Variants in NRP1 observed in about 807,000 individuals in gnomAD.
NRP1 encodes neuropilin 1.
A neutral mutation model predicts 106.7 loss-of-function variants in NRP1; 35 were observed. The observed-to-expected ratio is 0.33, with a 90% CI of 0.25 to 0.43. The LOEUF is 0.43. NRP1 is among the 20% of genes least tolerant of loss of function. NRP1 has a pLI of 1.00. For missense variants in NRP1, 1,024 were observed against 1,170.4 expected (o/e 0.87, Z 1.83); for synonymous variants, 437 against 417.9 (o/e 1.05, Z -0.56).
At chr10:33,226,388 C>T (rs1004579738) in intron 6 of NRP1, 99 bp from the exon 7 acceptor site, 3 of 1,325,216 alleles carry the variant, frequency 2.3e-6, no homozygotes, top group Non-Finnish European at 3.1e-6. Context: ...TTTCATCCAC[C>T]TGGGATCAAC....
intron 2 of NRP1, among the ~76,000 whole-genome samples, chr10:33,327,989 GGCCAGGAGA>G: frequency 6.6e-6 from 1 of 151,712 alleles, no homozygotes; most frequent in Non-Finnish European, 1.5e-5. Flanking sequence ...TTTCAGCTTT[GGCCAGGAGA>G]TGACACCTTC....
intron 2 of NRP1, among the ~76,000 whole-genome samples, chr10:33,291,908 T>A (rs1845022046): frequency 1.3e-5 from 2 of 152,182 alleles, no homozygotes; most frequent in African/African-American, 4.8e-5. Flanking sequence ...GTTTTGTTTT[T>A]CATTTTGTTT....
Position 33,227,711 on chromosome 10 carries a change from T to G in NRP1, c.982-1422A>C, listed in dbSNP as rs534717449. Among the ~76,000 whole-genome samples the G allele has an allele frequency of 5.1e-4, 77 of 152,212 alleles. 1 individual carries two copies. The highest frequency in any genetic ancestry group is 9.9e-4 in the Non-Finnish European group (67 of 68,018). On this transcript the variant is annotated intron_variant, in intron 6 of 16. Coordinates refer to ENST00000374867, the MANE Select transcript of NRP1 (RefSeq NM_003873.7). ...GGGCTCTTGGAAGGCATCAGAGTAGTGATGACCAGAGGGTGACTGAAATCT... is the reference window on the plus strand; with the variant it reads ...GGGCTCTTGGAAGGCATCAGAGTAGGGATGACCAGAGGGTGACTGAAATCT...
At chr10:33,192,513 C>T (rs968269411) in intron 12 of NRP1, 95 bp from the exon 13 acceptor site, 3 of 1,305,088 alleles carry the variant, frequency 2.3e-6, no homozygotes, top group African/African-American at 3.0e-5. Flanking sequence ...TCATGGAAAG[C>T]ACGATTTATA....
intron 6 of NRP1, among the ~76,000 whole-genome samples, chr10:33,233,744 A>C (rs1359447107): frequency 6.6e-6 from 1 of 152,200 alleles, no homozygotes; most frequent in Non-Finnish European, 1.5e-5. Context: ...CTGATTAAAA[A>C]CAGGAAAATA....
At chr10:33,219,279 T>G (rs193169941) in intron 8 of NRP1, among the ~76,000 whole-genome samples, 73 of 152,202 alleles carry the variant, frequency 4.8e-4, no homozygotes, top group Non-Finnish European at 9.1e-4. Context: ...GAGATCAGAG[T>G]GAGTCTCAAT....
chr10:33,182,436 AG>A (rs1835743770), intron 16 of NRP1, among the ~76,000 whole-genome samples: 1 of 152,150 alleles, frequency 6.6e-6, no homozygotes, highest in Admixed American at 6.5e-5. Context: ...GGGAAGGGCC[AG>A]GGTGAGCACA....
chr10:33,245,225 T>A (rs1841328581), intron 6 of NRP1, among the ~76,000 whole-genome samples: 1 of 152,234 alleles, frequency 6.6e-6, no homozygotes, highest in Non-Finnish European at 1.5e-5. Flanking sequence ...TTTTAGGATC[T>A]TTTACGCCAG....
chr10:33,203,833 C>T lies in NRP1; in HGVS notation c.1760-838G>A, dbSNP rs1334428657. On this transcript the variant is annotated intron_variant, in intron 10 of 16. Coordinates refer to ENST00000374867, the MANE Select transcript of NRP1 (RefSeq NM_003873.7). ...TCGGCTCACTGCAAGCTCTGCTTCC[C>T]GGGTTCACGCCATTCTCCTGCCTCA... is the stretch of plus-strand genomic sequence containing the variant. 1.0e-3 allele frequency among the ~76,000 whole-genome samples: 101 copies of T among 96,646 alleles called. 8 individuals carry two copies. Among genetic ancestry groups the T allele is most frequent in the African/African-American group, 3.0e-3 (96 of 31,852 alleles). The allele number at this position is 96,646 out of a possible 152,430, so 63.4% of individuals were successfully genotyped here.
At chr10:33,309,268 C>G (rs1057293485) in intron 2 of NRP1, among the ~76,000 whole-genome samples, 90 of 152,292 alleles carry the variant, frequency 5.9e-4, no homozygotes, top group East Asian at 7.7e-4. Flanking sequence ...TAAGTGATAT[C>G]AAACATATTT....
chr10:33,298,156 AT>A (rs1845546514), intron 2 of NRP1, among the ~76,000 whole-genome samples: 1 of 152,136 alleles, frequency 6.6e-6, no homozygotes, highest in East Asian at 1.9e-4. Context: ...GAAAGCATAT[AT>A]TTTCAACACT....
rs543932199 is a variant in NRP1 at position 33,318,092 on chromosome 10, A to T, written c.248+12616T>A. Among the ~76,000 whole-genome samples the T allele has an allele frequency of 3.9e-5, 6 of 152,278 alleles. No individual in the cohort carries two copies. In the East Asian group the frequency reaches 9.6e-4, roughly 24 times the overall value. On this transcript the variant is annotated intron_variant, in intron 2 of 16. Coordinates refer to ENST00000374867, the MANE Select transcript of NRP1 (RefSeq NM_003873.7). ...TTGTATTCATAAGACACTTCCATCT[A>T]CATTAGCTCATCAACACTGTGTTGC...
chr10:33,229,297 C>A (rs1445785568), intron 6 of NRP1, among the ~76,000 whole-genome samples: 3 of 152,166 alleles, frequency 2.0e-5, no homozygotes, highest in Non-Finnish European at 4.4e-5. Flanking sequence ...TTTCACAATG[C>A]CGCAATCTAA....
At chr10:33,226,396 A>C (rs1183637731) in intron 6 of NRP1, 107 bp from the exon 7 acceptor site, 2 of 1,210,784 alleles carry the variant, frequency 1.7e-6, no homozygotes, top group East Asian at 4.8e-5. Context: ...ACCTGGGATC[A>C]ACAGGGCCTC....
intron 6 of NRP1, among the ~76,000 whole-genome samples, chr10:33,243,690 C>G (rs1437312300): frequency 6.6e-6 from 1 of 152,214 alleles, no homozygotes; most frequent in African/African-American, 2.4e-5. Context: ...GCCCAAGTCA[C>G]ATGCACAAGT....
chr10:33,245,248 G>A (rs1291476319), intron 6 of NRP1, among the ~76,000 whole-genome samples: 1 of 152,208 alleles, frequency 6.6e-6, no homozygotes, highest in African/African-American at 2.4e-5. Flanking sequence ...GTTTTCAAGT[G>A]GGGGTGATTG....
Position 33,202,994 on chromosome 10 carries a change from G to A in NRP1, c.1761C>T (p.Ala587=). 1.2e-6 allele frequency: 2 copies of A among 1,610,446 alleles called. No homozygotes were observed. The highest frequency in any genetic ancestry group is 2.2e-5 in the South Asian group (2 of 90,504). The change falls in exon 11 of 17, where the codon GCC becomes GCT. Residue 587 remains alanine (A), a splice_region_variant and synonymous_variant. Coordinates refer to ENST00000374867, the MANE Select transcript of NRP1 (RefSeq NM_003873.7). The part of the protein sequence containing the change: ...RMELLGCEVE[A]PTAGPTTPNG... Reference sequence around the variant, plus strand: ...TGGGAGTGGTCGGTCCAGCTGTAGGGGCTGAAACAAGATCCAAGGATTATT... The same window carrying A: ...TGGGAGTGGTCGGTCCAGCTGTAGGAGCTGAAACAAGATCCAAGGATTATT...
At chr10:33,187,902 C>T (rs910615287) in intron 13 of NRP1, among the ~76,000 whole-genome samples, 5 of 152,152 alleles carry the variant, frequency 3.3e-5, no homozygotes, top group African/African-American at 1.2e-4. Context: ...TACCTGGTTG[C>T]TTATGTGAGA....
chr10:33,313,596 A>G (rs1846772733), intron 2 of NRP1, among the ~76,000 whole-genome samples: 1 of 152,342 alleles, frequency 6.6e-6, no homozygotes, highest in South Asian at 2.1e-4. Flanking sequence ...TTTAGAGACA[A>G]AAGTGCTTAA....
Sources: allele counts gnomAD v4.1 joint callset (sites outside exome capture counted in the v4.1 genomes callset), GRCh38; gene constraint gnomAD v4.1.1; transcripts MANE v1.5; gene names NCBI Gene and HGNC (gene_info 2026-07-23, HGNC 2026-07-21).